The following ELP1 variants were observed in gnomAD, a reference collection of about 807,000 sequenced individuals.
The protein encoded by ELP1 is elongator complex protein 1.
In ELP1, 131 loss-of-function variants were observed where a neutral mutation model predicts 183.2. The observed-to-expected ratio is 0.72, with a 90% confidence interval of 0.62 to 0.83. ELP1 has a LOEUF of 0.83. Among genes scored for constraint, ELP1 ranks in the 40% least tolerant of loss-of-function variants. ELP1 has a pLI of 0.00. For synonymous variants in ELP1, 555 were observed against 569.0 expected, an observed-to-expected ratio of 0.98 and a Z score of 0.35; for missense variants, 1,550 against 1,594.9, an observed-to-expected ratio of 0.97 and a Z score of 0.48.
At chr9:108,880,240 G>T in intron 31 of ELP1, 75 bp from the exon 32 acceptor site, 1 of 954,556 alleles carries the variant, frequency 1.0e-6, no homozygotes, top group African/African-American at 1.6e-5. Flanking sequence ...GGGGAGCAGT[G>T]AAGGAGGGTT....
chr9:108,910,391 T>C (rs1237589793), intron 12 of ELP1, among the ~76,000 whole-genome samples: 1 of 152,190 alleles, frequency 6.6e-6, no homozygotes, highest in Non-Finnish European at 1.5e-5. Context: ...TCAAAAGATA[T>C]TTGAAAACAA....
intron 5 of ELP1, among the ~76,000 whole-genome samples, chr9:108,926,294 T>C (rs188948538): frequency 6.6e-6 from 1 of 152,214 alleles, no homozygotes; most frequent in Admixed American, 6.5e-5. Flanking sequence ...TTTCCTAGGG[T>C]TTGGGTAATA....
intron 16 of ELP1, 132 bp from the exon 17 acceptor site, chr9:108,901,813 C>T: frequency 1.1e-6 from 1 of 874,336 alleles, no homozygotes; most frequent in Non-Finnish European, 1.9e-6. Flanking sequence ...AAGATAGATA[C>T]CTAAGACGTG....
intron 1 of ELP1, among the ~76,000 whole-genome samples, chr9:108,933,422 A>T (rs1223399599): frequency 1.3e-5 from 2 of 152,162 alleles, no homozygotes; most frequent in Non-Finnish European, 1.5e-5. Flanking sequence ...CTCCACGGAG[A>T]TCATCGTTAA....
In ELP1 at chr9:108,881,552, T is replaced by C. The variant is rs375968975; in HGVS notation, c.3346+153A>G. Among the ~76,000 whole-genome samples, 24 of 152,354 alleles carry C rather than the reference T, an allele frequency of 1.6e-4. No individual in the cohort carries two copies. In the South Asian group the frequency reaches 4.3e-3, roughly 28 times the overall value. On this transcript the variant is annotated intron_variant, in intron 31 of 36. Coordinates refer to ENST00000374647, the MANE Select transcript of ELP1 (RefSeq NM_003640.5). ...AATAGTTCAGCATATTTAAAAATTC[T>C]AGTGAGAATTAAATATTATATCCAG...
intron 22 of ELP1, among the ~76,000 whole-genome samples, chr9:108,898,281 A>G (rs1329805938): frequency 6.6e-6 from 1 of 152,228 alleles, no homozygotes. Flanking sequence ...AATCAAGTGA[A>G]ATAATAATTC....
chr9:108,930,498 G>A (rs1829965296), intron 2 of ELP1, among the ~76,000 whole-genome samples: 1 of 152,038 alleles, frequency 6.6e-6, no homozygotes, highest in Non-Finnish European at 1.5e-5. Flanking sequence ...AGACCATCCT[G>A]GCTAACACGG....
intron 9 of ELP1, among the ~76,000 whole-genome samples, 190 bp downstream of exon 9, chr9:108,917,357 C>T (rs1481596539): frequency 6.6e-6 from 1 of 151,860 alleles, no homozygotes; most frequent in Non-Finnish European, 1.5e-5. Context: ...ATCCCAGCTA[C>T]TCGGGAGGCT....
chr9:108,874,738 T>TA (rs1234140575), intron 36 of ELP1, among the ~76,000 whole-genome samples, 157 bp downstream of exon 36: 1 of 152,246 alleles, frequency 6.6e-6, no homozygotes, highest in African/African-American at 2.4e-5. Flanking sequence ...CTGATCATAC[T>TA]AAAGATGCGG....
intron 5 of ELP1, among the ~76,000 whole-genome samples, chr9:108,924,103 A>G (rs1829748835): frequency 6.6e-6 from 1 of 152,254 alleles, no homozygotes; most frequent in Non-Finnish European, 1.5e-5. Flanking sequence ...ATTAAGGACC[A>G]AGGAATGAAG....
At chr9:108,873,981 G>A (rs1289981078) in intron 36 of ELP1, among the ~76,000 whole-genome samples, 1 of 152,172 alleles carries the variant, frequency 6.6e-6, no homozygotes. Flanking sequence ...GTTACAGTCT[G>A]GATGTATGAG....
At chr9:108,904,286 C>A (rs916112302) in intron 14 of ELP1, among the ~76,000 whole-genome samples, 1 of 147,842 alleles carries the variant, frequency 6.8e-6, no homozygotes, top group Non-Finnish European at 1.5e-5. Context: ...CTCTGTTGCC[C>A]AGGTTGAAAT....
chr9:108,930,690 C>CAAA (rs5899828), intron 2 of ELP1, among the ~76,000 whole-genome samples: 6 of 72,594 alleles, frequency 8.3e-5, no homozygotes, highest in Admixed American at 3.1e-4. Context: ...GACTCCGTCT[C>CAAA]AAAAAAAAAA....
intron 35 of ELP1, chr9:108,875,539 T>A (rs2118927148): frequency 3.8e-6 from 1 of 263,220 alleles, no homozygotes; most frequent in East Asian, 1.1e-4. Flanking sequence ...TCACTCACGG[T>A]ATCCTGCACA....
rs150523182 is a variant in ELP1 at position 108,882,019 on chromosome 9, C to T, written c.3285+106G>A. The T allele has an allele frequency of 2.2e-5, 21 of 935,592 alleles. No individual in the cohort carries two copies. In the East Asian group the frequency reaches 4.1e-4, roughly 18 times the overall value. The allele number at this position is 935,592 out of a possible 1,614,324, so 58.0% of individuals were successfully genotyped here. ...AAGCCAGGAACCTGACCTATTTCTA[C>T]TTATTTCATGAACCTCAGAAGACAA... On this transcript the variant is annotated intron_variant, in intron 30 of 36. Coordinates refer to ENST00000374647, the MANE Select transcript of ELP1 (RefSeq NM_003640.5).
At chr9:108,929,983 T>C in intron 2 of ELP1, 62 bp from the exon 3 acceptor site, 1 of 1,552,724 alleles carries the variant, frequency 6.4e-7, no homozygotes, top group Non-Finnish European at 8.9e-7. Flanking sequence ...ATTGATAACA[T>C]TTCCAGAAAT....
intron 8 of ELP1, among the ~76,000 whole-genome samples, chr9:108,918,224 A>G (rs1284036494): frequency 6.6e-6 from 1 of 152,240 alleles, no homozygotes; most frequent in Non-Finnish European, 1.5e-5. Context: ...TACAACAGAT[A>G]TCACCGAAAC....
rs1410805331 is a variant in ELP1 at position 108,874,904 on chromosome 9, G to A, written c.3922C>T (p.Pro1308Ser). Residue 1308 changes from proline (P) to serine (S), a missense_variant, in exon 36 of 37, where the codon CCT becomes TCT. Coordinates refer to ENST00000374647, the MANE Select transcript of ELP1 (RefSeq NM_003640.5). ...ASYQQQKTSVPVLDAELFIPP... is the reference protein window; with the variant it reads ...ASYQQQKTSVSVLDAELFIPP... ...GAGAAAAAATACTAACCAAGAACAG[G>A]AACCGAAGTCTTCTGTTGCTGATAA... The A allele has an allele frequency of 1.2e-6, 2 of 1,606,392 alleles. No individual in the cohort carries two copies. The highest frequency in any genetic ancestry group is 1.7e-6 in the Non-Finnish European group (2 of 1,173,318).
Position 108,878,756 on chromosome 9 carries a change from A to G in ELP1, c.3573-6T>C, listed in dbSNP as rs1282241388. ...GGCGATTCTTGGATGATCTCCTGTTAGAAATTACACAGATATTTTTAAGCC... is the reference window on the plus strand; with the variant it reads ...GGCGATTCTTGGATGATCTCCTGTTGGAAATTACACAGATATTTTTAAGCC... On this transcript the variant is annotated splice_region_variant and splice_polypyrimidine_tract_variant and intron_variant, in intron 33 of 36. Coordinates refer to ENST00000374647, the MANE Select transcript of ELP1 (RefSeq NM_003640.5). The G allele has an allele frequency of 6.2e-7, 1 of 1,613,718 alleles. No individual in the cohort carries two copies. The highest frequency in any genetic ancestry group is 8.5e-7 in the Non-Finnish European group (1 of 1,179,992).
Sources: allele counts gnomAD v4.1 joint callset (sites outside exome capture counted in the v4.1 genomes callset), GRCh38; gene constraint gnomAD v4.1.1; transcripts MANE v1.5; gene names NCBI Gene and HGNC (gene_info 2026-07-23, HGNC 2026-07-21).